The following SMARCA4 variants were observed in gnomAD, a reference collection of about 807,000 sequenced individuals.
SMARCA4 encodes the protein SWI/SNF-related matrix-associated actin-dependent regulator of chromatin subfamily A member 4.
SMARCA4 carries 31 observed loss-of-function variants against 193.9 expected under a neutral mutation model. The ratio of observed to expected loss-of-function variants is 0.16; its 90% confidence interval spans 0.12 to 0.22. SMARCA4 has a LOEUF of 0.22. SMARCA4 is among the 10% of genes least tolerant of loss of function. The probability of loss-of-function intolerance (pLI) is 1.00; values close to 1 mark genes in which losing one functional copy is unlikely to be tolerated. For missense variants in SMARCA4, 1,148 were observed against 2,296.0 expected, an observed-to-expected ratio of 0.50 and a Z score of 10.22; for synonymous variants, 942 against 933.1, an observed-to-expected ratio of 1.01 and a Z score of -0.17.
rs138689221 is a variant in SMARCA4 at position 10,986,275 on chromosome 19, G to T, written c.442G>T (p.Gly148Trp). Reference sequence around the variant, plus strand: ...GTCTTCGGGGCCCCAGATGTCTTCCGGGCCAGGAGGTGCCCCGCTGGATGG... The same window carrying T: ...GTCTTCGGGGCCCCAGATGTCTTCCTGGCCAGGAGGTGCCCCGCTGGATGG... ...GPSSGPQMSS[G>W]PGGAPLDGAD... Residue 148 changes from glycine to tryptophan, a missense_variant, in exon 4 of 35, where the codon GGG becomes TGG. Transcript: ENST00000344626. This position sits in a 1 kb window ranked among gnomAD's most constrained non-coding sequence, Gnocchi z 6.7. 6.2e-7 allele frequency: 1 copy of T among 1,613,792 alleles called. No homozygotes were observed. The highest frequency in any genetic ancestry group is 1.1e-5 in the South Asian group (1 of 91,082).
intron 29 of SMARCA4, among the ~76,000 whole-genome samples, chr19:11,037,343 C>G (rs2075325925): frequency 6.6e-6 from 1 of 152,172 alleles, no homozygotes; most frequent in Admixed American, 6.5e-5. Flanking sequence ...CCCGCTGATT[C>G]TAGCCATCCC....
chr19:10,968,243 C>G (rs2084391714), intron 1 of SMARCA4, among the ~76,000 whole-genome samples: 1 of 152,200 alleles, frequency 6.6e-6, no homozygotes, highest in African/African-American at 2.4e-5. Flanking sequence ...CTGCCTTGGC[C>G]TTCCAAACTG....
Position 11,058,488 on chromosome 19 carries a change from G to C in SMARCA4, c.4533+125G>C. The C allele has an allele frequency of 1.3e-6, 1 of 764,580 alleles. No homozygotes were observed. Among genetic ancestry groups the C allele is most frequent in the Non-Finnish European group, 2.3e-6 (1 of 439,326 alleles). The allele number at this position is 764,580 out of a possible 1,614,324, so 47.4% of individuals were successfully genotyped here. A position where few individuals can be genotyped will look rare whatever the true frequency, so the allele number is the denominator to read the frequency against. ...AGAAACCACCTAGGCGGTGCCTTGG[G>C]CTACCTGGTTAGGGACCTGGTCGTG... On this transcript the variant is annotated intron_variant, in intron 31 of 34. Transcript: ENST00000344626. The surrounding 1 kb of genome is among the most constrained non-coding windows in gnomAD (Gnocchi z 5.8).
At chr19:11,048,926 G>T (rs2076101314) in intron 30 of SMARCA4, among the ~76,000 whole-genome samples, 1 of 152,210 alleles carries the variant, frequency 6.6e-6, no homozygotes, top group Admixed American at 6.5e-5. Context: ...CAAGGCCCTG[G>T]AGTGTGGCAC....
Position 11,019,080 on chromosome 19 carries a change from G to C in SMARCA4, c.2505+57G>C, listed in dbSNP as rs2089631589. The C allele has an allele frequency of 7.5e-7, 1 of 1,331,318 alleles. No homozygotes were observed. Among genetic ancestry groups the C allele is most frequent in the South Asian group, 1.2e-5 (1 of 85,498 alleles). 82.5% of individuals were successfully genotyped at this position (1,331,318 alleles called of 1,614,324 possible). ...GCTACGGAGGTGCAGGCGGTGGTGG[G>C]CAGGACGTCCACACATACCTCTGGA... On this transcript the variant is annotated intron_variant, in intron 17 of 34. Coordinates refer to ENST00000344626, the MANE Select transcript of SMARCA4 (RefSeq NM_003072.5). This position sits in a 1 kb window ranked among gnomAD's most constrained non-coding sequence, Gnocchi z 6.1.
In SMARCA4 at chr19:11,002,490, T is replaced by TAA. The variant is rs547870620; in HGVS notation, c.1813-537_1813-536dup. 1.7e-4 allele frequency among the ~76,000 whole-genome samples: 24 copies of TAA among 144,534 alleles called. 1 individual carries two copies. The South Asian group carries it at 4.3e-3, about 26-fold the overall frequency. 94.8% of individuals were successfully genotyped at this position (144,534 alleles called of 152,430 possible). ...TGAGACTCCATCTCAAAAAAATAAA[T>TAA]AAATAAAAATAAAAAATAAAAATGG... is the stretch of plus-strand genomic sequence containing the variant. On this transcript the variant is annotated intron_variant, in intron 11 of 34. Transcript: ENST00000344626.
At position 11,061,766 on chromosome 19, in the gene SMARCA4, C is replaced by G; in HGVS notation, c.4912-18C>G. ...AGGGGTGGCCAACGCACACTCTCTC[C>G]TCCTGTCCCCTCTCCAGGACCGCTC... On this transcript the variant is annotated intron_variant, in intron 34 of 34. Transcript: ENST00000344626. 1 of 1,613,008 alleles carries G rather than the reference C, an allele frequency of 6.2e-7. No individual in the cohort carries two copies. Among genetic ancestry groups the G allele is most frequent in the Non-Finnish European group, 8.5e-7 (1 of 1,179,670 alleles).
rs575130873 is a variant in SMARCA4 at position 11,007,808 on chromosome 19, A to C, written c.2002-94A>C. 4.5e-4 allele frequency: 595 copies of C among 1,332,702 alleles called. 2 individuals carry two copies. Among genetic ancestry groups the C allele is most frequent in the Middle Eastern group, 5.4e-4 (3 of 5,532 alleles). The allele number at this position is 1,332,702 out of a possible 1,614,324, so 82.6% of individuals were successfully genotyped here. On this transcript the variant is annotated intron_variant, in intron 13 of 34. Coordinates refer to ENST00000344626, the MANE Select transcript of SMARCA4 (RefSeq NM_003072.5). ...GGTAGAGGGGGTGAGGGCTGTAAGA[A>C]GATCACTTGCTTCTGAGACTGTTCT...
At chr19:10,981,460 T>A (rs1013084843) in intron 1 of SMARCA4, among the ~76,000 whole-genome samples, 2 of 152,252 alleles carry the variant, frequency 1.3e-5, no homozygotes, top group African/African-American at 4.8e-5. Flanking sequence ...TAGCAGAATG[T>A]GCGAATATCC....
chr19:11,060,344 C>T (rs2076795799), intron 34 of SMARCA4, 157 bp downstream of exon 34: 1 of 917,244 alleles, frequency 1.1e-6, no homozygotes, highest in Admixed American at 2.1e-5. Context: ...GGTCACACAG[C>T]CAGTATGTGG....
intron 1 of SMARCA4, among the ~76,000 whole-genome samples, chr19:10,982,028 G>A (rs147261726): frequency 5.0e-4 from 76 of 151,890 alleles, no homozygotes; most frequent in African/African-American, 1.6e-3. Flanking sequence ...AACTTTTTCC[G>A]CTAGATCACC....
chr19:11,033,816 C>CCCCT lies in SMARCA4; in HGVS notation c.3827_3830dup (p.Pro1278SerfsTer38). 1.3e-6 allele frequency: 1 copy of CCCCT among 779,712 alleles called. No individual in the cohort carries two copies. The allele number at this position is 779,712 out of a possible 1,614,324, so 48.3% of individuals were successfully genotyped here. A position where few individuals can be genotyped will look rare whatever the true frequency, so the allele number is the denominator to read the frequency against. On this transcript the variant is annotated frameshift_variant, in exon 27 of 35. Coordinates refer to ENST00000344626, the MANE Select transcript of SMARCA4 (RefSeq NM_003072.5). LOFTEE classifies it high-confidence loss of function. This position sits in a 1 kb window ranked among gnomAD's most constrained non-coding sequence, Gnocchi z 9.8. ...GGCAGTGCCAGCTTCGCCCACACTG[C>CCCCT]CCCTCCGCCAGCGGGCGTCAACCCC...
chr19:11,030,809 C>T lies in SMARCA4; in HGVS notation c.3462C>T (p.Leu1154=), dbSNP rs1060504465. The change falls in exon 25 of 35, where the codon CTC becomes CTT. Residue 1154 remains leucine, a synonymous_variant. Coordinates refer to ENST00000344626, the MANE Select transcript of SMARCA4 (RefSeq NM_003072.5). The surrounding 1 kb of genome is among the most constrained non-coding windows in gnomAD (Gnocchi z 5.5). The stretch of plus-strand genomic sequence containing the variant: ...GCTCTGAGTACTTCATCTTCCTGCT[C>T]AGCACCCGGGCTGGGGGGCTCGGCC... ...EPGSEYFIFL[L]STRAGGLGLN... The T allele has an allele frequency of 4.4e-6, 7 of 1,608,672 alleles. No individual in the cohort carries two copies. The highest frequency in any genetic ancestry group is 5.9e-6 in the Non-Finnish European group (7 of 1,177,812).
intron 11 of SMARCA4, among the ~76,000 whole-genome samples, chr19:11,000,368 C>T (rs188449458): frequency 1.3e-5 from 2 of 151,992 alleles, no homozygotes; most frequent in Middle Eastern, 3.4e-3. Context: ...GAAACCTCAT[C>T]TCTACAAAAA....
intron 20 of SMARCA4, 62 bp downstream of exon 20, chr19:11,023,693 C>A: frequency 6.8e-6 from 7 of 1,034,886 alleles, no homozygotes; most frequent in Non-Finnish European, 1.0e-5. Flanking sequence ...TTCTCCAGGG[C>A]TGGGCGTGCT....
At position 10,984,394 on chromosome 19, in the gene SMARCA4, C is replaced by G. The variant is rs2145728084; in HGVS notation, c.222+21C>G. ...ACAAGGTAGGGATCCCTGTGCCCGC[C>G]TCGCACCTGCGGCCTCTGCCCACTA... is the stretch of plus-strand genomic sequence containing the variant. On this transcript the variant is annotated intron_variant, in intron 2 of 34. Coordinates refer to ENST00000344626, the MANE Select transcript of SMARCA4 (RefSeq NM_003072.5). This position sits in a 1 kb window ranked among gnomAD's most constrained non-coding sequence, Gnocchi z 4.3. 1.3e-6 allele frequency: 2 copies of G among 1,559,742 alleles called. No individual in the cohort carries two copies.
chr19:11,049,896 G>A (rs1195899309), intron 30 of SMARCA4, among the ~76,000 whole-genome samples: 1 of 152,222 alleles, frequency 6.6e-6, no homozygotes, highest in Non-Finnish European at 1.5e-5. Flanking sequence ...GAGCTCAGAA[G>A]TTTGAGAACA....
chr19:10,981,426 A>T (rs2085542486), intron 1 of SMARCA4, among the ~76,000 whole-genome samples: 1 of 152,264 alleles, frequency 6.6e-6, no homozygotes, highest in South Asian at 2.1e-4. Flanking sequence ...GCGGCATCTC[A>T]TAATCAGACA....
intron 14 of SMARCA4, 130 bp from the exon 15 acceptor site, chr19:11,010,249 CTA>C: frequency 1.9e-6 from 2 of 1,039,966 alleles, no homozygotes; most frequent in Non-Finnish European, 3.0e-6. Flanking sequence ...GGCTGCACCT[CTA>C]TGTGTCTTAC....
Sources: gnomAD v4.1 joint callset for allele counts (sites outside exome capture counted in the v4.1 genomes callset) on GRCh38, gnomAD v4.1.1 for gene constraint, Gnocchi (gnomAD v3.1) non-coding constraint, MANE v1.5 for transcripts, NCBI Gene and HGNC (gene_info 2026-07-23, HGNC 2026-07-21) for gene names.